The following CACNA1B variants were observed in gnomAD, a reference collection of about 807,000 sequenced individuals.
CACNA1B encodes voltage-dependent N-type calcium channel subunit alpha-1B.
In CACNA1B, 70 loss-of-function variants were observed where a neutral mutation model predicts 247.2. The observed-to-expected ratio is 0.28, with a 90% CI of 0.23 to 0.35. CACNA1B has a LOEUF of 0.35. CACNA1B is among the 10% of genes least tolerant of loss of function. The probability of loss-of-function intolerance (pLI) is 1.00; values close to 1 mark genes in which losing one functional copy is unlikely to be tolerated. For synonymous variants in CACNA1B, 1,231 were observed against 1,294.4 expected, an observed-to-expected ratio of 0.95 and a Z score of 1.05; for missense variants, 2,367 against 3,197.4, an observed-to-expected ratio of 0.74 and a Z score of 6.26.
In CACNA1B at chr9:137,919,492, A is replaced by C. The variant is rs1191910957; in HGVS notation, c.966+2061A>C. The stretch of plus-strand genomic sequence containing the variant: ...ACACAAGGCCCCAGAGCAGGTAGCC[A>C]AGAACCGACCAGTCCGCTCCTCCAC... On this transcript the variant is annotated intron_variant, in intron 6 of 46. Coordinates refer to ENST00000371372, the MANE Select transcript of CACNA1B (RefSeq NM_000718.4). The surrounding 1 kb of genome is among the most constrained non-coding windows in gnomAD (Gnocchi z 4.6). Among the ~76,000 whole-genome samples the C allele has an allele frequency of 6.6e-6, 1 of 152,218 alleles. No individual in the cohort carries two copies. The highest frequency in any genetic ancestry group is 1.5e-5 in the Non-Finnish European group (1 of 68,034).
chr9:137,997,350 C>T (rs1010138655), intron 15 of CACNA1B, among the ~76,000 whole-genome samples: 10 of 151,900 alleles, frequency 6.6e-5, no homozygotes, highest in African/African-American at 2.2e-4. Flanking sequence ...TAAAAATTGT[C>T]GGGATTGACA....
chr9:138,105,623 A>G, intron 38 of CACNA1B, 76 bp from the exon 39 acceptor site: 1 of 781,206 alleles, frequency 1.3e-6, no homozygotes. Context: ...GCATCCAGGG[A>G]CCCCATCATT....
At chr9:137,918,461 G>A (rs1476456797) in intron 6 of CACNA1B, among the ~76,000 whole-genome samples, 1 of 152,194 alleles carries the variant, frequency 6.6e-6, no homozygotes, top group Non-Finnish European at 1.5e-5. Context: ...TGGGAGGGGT[G>A]CTAGGTTTTG....
At position 138,080,153 on chromosome 9, in the gene CACNA1B, G is replaced by A. The variant is rs1960477291; in HGVS notation, c.5094+1895G>A. Among the ~76,000 whole-genome samples the A allele has an allele frequency of 4.6e-5, 7 of 152,220 alleles. No homozygotes were observed. In the South Asian group the frequency reaches 1.4e-3, roughly 32 times the overall value. On this transcript the variant is annotated intron_variant, in intron 36 of 46. Coordinates refer to ENST00000371372, the MANE Select transcript of CACNA1B (RefSeq NM_000718.4). ...ACATTCACTCCTCAGTACAAGGGTA[G>A]AAAAGTGGATTATCCAGATTCGGGA...
At chr9:137,956,966 G>A in intron 9 of CACNA1B, 139 bp downstream of exon 9, 1 of 688,574 alleles carries the variant, frequency 1.5e-6, no homozygotes, top group Non-Finnish European at 2.6e-6. Flanking sequence ...CATGAACACA[G>A]ACTAGGGCCA....
In CACNA1B at chr9:137,913,576, A is replaced by G. The variant is rs1298624391; in HGVS notation, c.622+305A>G. On this transcript the variant is annotated intron_variant, in intron 4 of 46. Transcript: ENST00000371372. This position sits in a 1 kb window ranked among gnomAD's most constrained non-coding sequence, Gnocchi z 5.2. ...TTGCTTCTTTTTCTGAGGGTAAAGA[A>G]TGGATGAGAGGTTGACCAAGGTGGT... Among the ~76,000 whole-genome samples the G allele has an allele frequency of 1.3e-5, 2 of 152,206 alleles. No individual in the cohort carries two copies. Among genetic ancestry groups the G allele is most frequent in the Non-Finnish European group, 2.9e-5 (2 of 68,034 alleles).
intron 24 of CACNA1B, among the ~76,000 whole-genome samples, chr9:138,049,612 C>T (rs751914779): frequency 3.3e-5 from 5 of 152,042 alleles, no homozygotes; most frequent in Non-Finnish European, 5.9e-5. Flanking sequence ...GGCCCTGGTG[C>T]GGCCGGTGGC....
chr9:138,085,908 C>A (rs1030517051), intron 36 of CACNA1B, among the ~76,000 whole-genome samples: 1 of 151,274 alleles, frequency 6.6e-6, no homozygotes, highest in Admixed American at 6.6e-5. Context: ...GGGAGTCCTA[C>A]ATCTGGAAGC....
In CACNA1B at chr9:138,121,214, C is replaced by A. The variant is rs1209199854; in HGVS notation, c.6490-255C>A. 6.6e-6 allele frequency among the ~76,000 whole-genome samples: 1 copy of A among 152,102 alleles called. No individual in the cohort carries two copies. Among genetic ancestry groups the A allele is most frequent in the East Asian group, 1.9e-4 (1 of 5,170 alleles). On this transcript the variant is annotated intron_variant, in intron 46 of 46. Coordinates refer to ENST00000371372, the MANE Select transcript of CACNA1B (RefSeq NM_000718.4). The surrounding 1 kb of genome is among the most constrained non-coding windows in gnomAD (Gnocchi z 6.8). ...GTGGTCGTTGGGCTTTTGTTCTGTCCTTTTCCCTGGCCCCAGCCTGTCCCT... is the reference window on the plus strand; with the variant it reads ...GTGGTCGTTGGGCTTTTGTTCTGTCATTTTCCCTGGCCCCAGCCTGTCCCT...
intron 15 of CACNA1B, among the ~76,000 whole-genome samples, chr9:137,992,403 A>G (rs909025419): frequency 6.6e-6 from 1 of 152,228 alleles, no homozygotes; most frequent in African/African-American, 2.4e-5. Context: ...TCCTAAATGT[A>G]TATGCACCTA....
chr9:137,895,844 A>G (rs1310900286), intron 3 of CACNA1B, among the ~76,000 whole-genome samples: 1 of 152,176 alleles, frequency 6.6e-6, no homozygotes, highest in Admixed American at 6.5e-5. Context: ...TATTGCATTT[A>G]CTAGAACTTC....
chr9:138,016,572 C>T (rs932183721), intron 18 of CACNA1B, among the ~76,000 whole-genome samples: 1 of 152,118 alleles, frequency 6.6e-6, no homozygotes, highest in African/African-American at 2.4e-5. Context: ...CAGGTGGGTT[C>T]GGCAGCAGGG....
intron 1 of CACNA1B, 34 bp downstream of exon 1, chr9:137,878,251 CG>C: frequency 4.4e-6 from 1 of 229,424 alleles, no homozygotes; most frequent in Non-Finnish European, 7.0e-6. Context: ...CGGGGCCGGG[CG>C]GGGACCGGGG....
chr9:138,004,194 A>C (rs924081259), intron 15 of CACNA1B, among the ~76,000 whole-genome samples: 2 of 152,136 alleles, frequency 1.3e-5, no homozygotes, highest in African/African-American at 2.4e-5. Flanking sequence ...TGAGAAGGAA[A>C]ATAGGTAAAT....
chr9:138,044,649 AG>A (rs1959168922), intron 21 of CACNA1B, among the ~76,000 whole-genome samples: 1 of 152,180 alleles, frequency 6.6e-6, no homozygotes, highest in African/African-American at 2.4e-5. Context: ...AGAGGCAGAC[AG>A]GGGTGGAACC....
At chr9:137,979,417 T>G (rs1026948842) in intron 12 of CACNA1B, among the ~76,000 whole-genome samples, 4 of 152,044 alleles carry the variant, frequency 2.6e-5, no homozygotes, top group Non-Finnish European at 4.4e-5. Context: ...ACTGAGAGTA[T>G]GTACATAAGA....
intron 6 of CACNA1B, among the ~76,000 whole-genome samples, chr9:137,931,551 C>T (rs1258535509): frequency 6.6e-6 from 1 of 152,030 alleles, no homozygotes; most frequent in Non-Finnish European, 1.5e-5. Flanking sequence ...ACCCTATTCT[C>T]CTGCCTCATT....
intron 6 of CACNA1B, among the ~76,000 whole-genome samples, chr9:137,924,420 C>A (rs1957528007): frequency 6.6e-6 from 1 of 151,388 alleles, no homozygotes. Context: ...GCTCCAACAC[C>A]CCTTGTTGAA....
At chr9:138,066,450 A>AAG (rs141235335) in intron 31 of CACNA1B, among the ~76,000 whole-genome samples, 71 of 150,518 alleles carry the variant, frequency 4.7e-4, no homozygotes, top group East Asian at 1.8e-3. Flanking sequence ...CTAAAAAAAT[A>AAG]AGAGAGAGAG....
Sources: allele counts gnomAD v4.1 joint callset (sites outside exome capture counted in the v4.1 genomes callset), GRCh38; gene constraint gnomAD v4.1.1; non-coding constraint Gnocchi (gnomAD v3.1); transcripts MANE v1.5; gene names NCBI Gene and HGNC (gene_info 2026-07-23, HGNC 2026-07-21).